Variants in ANO10 observed in about 807,000 individuals in gnomAD.
ANO10 encodes the protein anoctamin 10, also known as anoctamin-10.
In ANO10, 77 loss-of-function variants were observed where a neutral mutation model predicts 74.7. That is an observed-to-expected ratio of 1.03 (90% CI 0.86 to 1.25). ANO10 has a LOEUF of 1.25. ANO10 is among the 50% of genes most tolerant of loss of function. The probability of loss-of-function intolerance (pLI) is 0.00; values close to 1 mark genes in which losing one functional copy is unlikely to be tolerated. For missense variants in ANO10, 721 were observed against 778.1 expected (o/e 0.93, Z 0.87); for synonymous variants, 279 against 284.9 (o/e 0.98, Z 0.21).
chr3:43,417,635 A>G (rs1170140781), intron 12 of ANO10, among the ~76,000 whole-genome samples: 1 of 152,142 alleles, frequency 6.6e-6, no homozygotes, highest in Non-Finnish European at 1.5e-5. Flanking sequence ...GACGAACCCC[A>G]GGTATTTACC....
chr3:43,645,926 G>C (rs1293043716), intron 1 of ANO10, among the ~76,000 whole-genome samples: 1 of 152,088 alleles, frequency 6.6e-6, no homozygotes, highest in Non-Finnish European at 1.5e-5. Context: ...TCCTACCTCA[G>C]CCTCCCGAGT....
At chr3:43,442,085 C>T (rs2093168566) in intron 11 of ANO10, among the ~76,000 whole-genome samples, 1 of 152,036 alleles carries the variant, frequency 6.6e-6, no homozygotes, top group Admixed American at 6.6e-5. Context: ...CCTCTAAGAT[C>T]AGGAACATGG....
intron 11 of ANO10, among the ~76,000 whole-genome samples, chr3:43,524,851 C>A (rs970816198): frequency 6.6e-6 from 1 of 152,148 alleles, no homozygotes; most frequent in African/African-American, 2.4e-5. Flanking sequence ...CAACACAGCA[C>A]CAAGAACTCT....
chr3:43,621,408 C>T (rs1396539668), intron 1 of ANO10, among the ~76,000 whole-genome samples: 1 of 152,128 alleles, frequency 6.6e-6, no homozygotes. Context: ...CCGGCCAAAC[C>T]TGCTTGGAGA....
At chr3:43,450,912 G>A (rs899237702) in intron 11 of ANO10, among the ~76,000 whole-genome samples, 1 of 152,118 alleles carries the variant, frequency 6.6e-6, no homozygotes, top group Non-Finnish European at 1.5e-5. Flanking sequence ...TCTATAAATG[G>A]ATTAGGTATC....
chr3:43,482,271 T>C (rs113875112), intron 11 of ANO10, among the ~76,000 whole-genome samples: 22,166 of 152,080 alleles, frequency 0.15, 2,044 homozygotes, highest in African/African-American at 0.25. Context: ...AACCAAGCTG[T>C]AGCCCAACTA....
intron 1 of ANO10, among the ~76,000 whole-genome samples, chr3:43,658,039 C>T (rs2083876924): frequency 6.6e-6 from 1 of 151,992 alleles, no homozygotes; most frequent in African/African-American, 2.4e-5. Context: ...TGTCTTTTCC[C>T]AGCTAGTCCT....
At chr3:43,615,705 G>A (rs1016075177) in intron 1 of ANO10, among the ~76,000 whole-genome samples, 12 of 151,826 alleles carry the variant, frequency 7.9e-5, no homozygotes, top group Non-Finnish European at 1.5e-4. Flanking sequence ...CCAGGCTGGA[G>A]TGCAGTGGCG....
chr3:43,520,757 G>T (rs114764882), intron 11 of ANO10, among the ~76,000 whole-genome samples: 193 of 152,090 alleles, frequency 1.3e-3, no homozygotes, highest in African/African-American at 4.5e-3. Context: ...AGCTATTCTG[G>T]GTTCCTTGCA....
chr3:43,531,346 C>T (rs756100055), intron 11 of ANO10, among the ~76,000 whole-genome samples: 2 of 152,062 alleles, frequency 1.3e-5, no homozygotes, highest in Non-Finnish European at 2.9e-5. Context: ...TTAATAGTGG[C>T]TTATAAATTA....
At chr3:43,623,249 G>C (rs2083457871), upstream of ANO10, among the ~76,000 whole-genome samples, 1 of 152,186 alleles carries the variant, frequency 6.6e-6, no homozygotes, top group African/African-American at 2.4e-5. Context: ...TGGAGAGAGA[G>C]AGAGAGACCA....
At chr3:43,402,990 AC>A (rs2092510921) in intron 12 of ANO10, among the ~76,000 whole-genome samples, 1 of 152,136 alleles carries the variant, frequency 6.6e-6, no homozygotes, top group Non-Finnish European at 1.5e-5. Context: ...GATGTTTGCT[AC>A]CCCATCCCAG....
intron 1 of ANO10, among the ~76,000 whole-genome samples, chr3:43,642,257 T>G (rs1431935798): frequency 6.6e-6 from 1 of 152,244 alleles, no homozygotes; most frequent in Non-Finnish European, 1.5e-5. Context: ...TTTTTGCCTC[T>G]CTTTTCTGTT....
At position 43,447,308 on chromosome 3, in the gene ANO10, C is replaced by T. The variant is rs182872993; in HGVS notation, c.1798-14581G>A. Among the ~76,000 whole-genome samples the T allele has an allele frequency of 6.2e-4, 94 of 152,262 alleles. 2 individuals are homozygous for T. The highest frequency in any genetic ancestry group is 3.1e-3 in the Admixed American group (48 of 15,282). On this transcript the variant is annotated intron_variant, in intron 11 of 12. Transcript: ENST00000292246. ...ATTGTTCCGTACATGGTATTAAGCA[C>T]GCATGTACAATCAACAGCTGAATAT...
intron 11 of ANO10, among the ~76,000 whole-genome samples, chr3:43,514,407 T>A (rs2149193062): frequency 1.3e-5 from 2 of 152,120 alleles, no homozygotes; most frequent in East Asian, 1.9e-4. Flanking sequence ...AGAGATTATA[T>A]CATAAAAAGG....
rs2054552 is a variant in ANO10, at chr3:43,559,175, C to G, written c.1476+2045G>C. 3.3e-5 allele frequency among the ~76,000 whole-genome samples: 5 copies of G among 152,134 alleles called. No individual in the cohort carries two copies. In the East Asian group the frequency reaches 9.7e-4, roughly 29 times the overall value. On this transcript the variant is annotated intron_variant, in intron 9 of 12. Transcript: ENST00000292246. Reference sequence around the variant, plus strand: ...CTTCATAAAGGTTTTGTCAGATACCCTGAAATGTCAAAAGAGGTAAGATCT... The same window carrying G: ...CTTCATAAAGGTTTTGTCAGATACCGTGAAATGTCAAAAGAGGTAAGATCT...
rs1310556861 is a variant in ANO10, at chr3:43,643,678, C to CTTT, written c.-11-37818_-11-37816dup. On this transcript the variant is annotated intron_variant, in intron 1 of 3. Transcript: ENST00000413397. Reference sequence around the variant, plus strand: ...AAGCTTTTCATGTACTTGTCCTCATCTTTTCTTTTTTTTTTTTTTTTTTTA... The same window carrying CTTT: ...AAGCTTTTCATGTACTTGTCCTCATCTTTTTTTCTTTTTTTTTTTTTTTTTTTA... Among the ~76,000 whole-genome samples, 314 of 133,580 alleles carry CTTT rather than the reference C, an allele frequency of 2.4e-3. 18 individuals are homozygous for CTTT. Among genetic ancestry groups the CTTT allele is most frequent in the African/African-American group, 8.5e-3 (274 of 32,090 alleles). The allele number at this position is 133,580 out of a possible 152,430, so 87.6% of individuals were successfully genotyped here. A position where few individuals can be genotyped will look rare whatever the true frequency, so the allele number is the denominator to read the frequency against.
At chr3:43,585,962 T>G (rs769216471) in intron 4 of ANO10, among the ~76,000 whole-genome samples, 10 of 152,182 alleles carry the variant, frequency 6.6e-5, no homozygotes, top group Admixed American at 5.2e-4. Flanking sequence ...CTAACTTTGA[T>G]GCAAGTATGA....
At chr3:43,515,375 T>C (rs2077668056) in intron 11 of ANO10, among the ~76,000 whole-genome samples, 1 of 152,214 alleles carries the variant, frequency 6.6e-6, no homozygotes, top group South Asian at 2.1e-4. Flanking sequence ...TGTCTTCTCC[T>C]GCCTTTGGGT....
Sources: gnomAD v4.1 joint callset for allele counts (sites outside exome capture counted in the v4.1 genomes callset) on GRCh38, gnomAD v4.1.1 for gene constraint, MANE v1.5 for transcripts, NCBI Gene and HGNC (gene_info 2026-07-23, HGNC 2026-07-21) for gene names.